The following TAC4 variants were observed in gnomAD, a reference collection of about 807,000 sequenced individuals.
TAC4 encodes tachykinin-4.
Under a neutral mutation model 17.7 loss-of-function variants are expected in TAC4, and 17 were observed. That is an observed-to-expected ratio of 0.96 (90% CI 0.66 to 1.44). The LOEUF (loss-of-function observed/expected upper bound fraction) is 1.44, where lower values mean the gene tolerates loss of function less well. Among genes scored for constraint, TAC4 ranks in the 40% most tolerant of loss-of-function variants. The pLI is 0.00. For missense variants in TAC4, 118 were observed against 125.6 expected, an observed-to-expected ratio of 0.94 and a Z score of 0.29; for synonymous variants, 62 against 52.4, an observed-to-expected ratio of 1.18 and a Z score of -0.79.
rs1307048508 is a variant in TAC4 at position 49,838,332 on chromosome 17, G to A, written c.*310C>T. 2.2e-6 allele frequency: 1 copy of A among 456,084 alleles called. No individual in the cohort carries two copies. Among genetic ancestry groups the A allele is most frequent in the African/African-American group, 2.1e-5 (1 of 48,450 alleles). The allele number at this position is 456,084 out of a possible 1,614,324, so 28.3% of individuals were successfully genotyped here. A position where few individuals can be genotyped will look rare whatever the true frequency, so the allele number is the denominator to read the frequency against. On this transcript the variant is annotated 3_prime_UTR_variant, in exon 5 of 5. Coordinates refer to ENST00000436235, the MANE Select transcript of TAC4 (RefSeq NM_001077506.2). ...GTCACTCATTTATTGAGTGCCTACTGTGTGCTAGGCACAGGATACAGAGTG... is the reference window on the plus strand; with the variant it reads ...GTCACTCATTTATTGAGTGCCTACTATGTGCTAGGCACAGGATACAGAGTG...
At chr17:49,842,156 A>G (rs1005580818) in intron 2 of TAC4, among the ~76,000 whole-genome samples, 4 of 151,386 alleles carry the variant, frequency 2.6e-5, no homozygotes, top group Admixed American at 2.6e-4. Context: ...TTCCCACCTC[A>G]GCCTCATAGT....
At chr17:49,839,995 C>T in intron 3 of TAC4, 86 bp from the exon 4 acceptor site, 2 of 1,366,148 alleles carry the variant, frequency 1.5e-6, no homozygotes, top group Non-Finnish European at 2.1e-6. Context: ...AGGACAGGGC[C>T]AGGGCGAGGG....
At chr17:49,845,926 C>A in intron 1 of TAC4, 1 of 216,774 alleles carries the variant, frequency 4.6e-6, no homozygotes, top group Non-Finnish European at 9.3e-6. Flanking sequence ...CTGGAGTCAC[C>A]CAGCCTGGCC....
At position 49,839,891 on chromosome 17, in the gene TAC4, G is replaced by A. The variant is rs1224260126; in HGVS notation, c.251C>T (p.Thr84Met). The A allele has an allele frequency of 2.4e-5, 38 of 1,612,080 alleles. No homozygotes were observed. The highest frequency in any genetic ancestry group is 3.0e-5 in the Non-Finnish European group (35 of 1,179,146). The change falls in exon 4 of 5, where the codon ACG becomes ATG. Residue 84 changes from threonine to methionine, a missense_variant. By Grantham distance (81) the Thr-to-Met change is moderately conservative (BLOSUM62 -1). Coordinates refer to ENST00000436235, the MANE Select transcript of TAC4 (RefSeq NM_001077506.2). ...RRKKAYQLEHTFQGLLGKRSL... is the reference protein window; with the variant it reads ...RRKKAYQLEHMFQGLLGKRSL... ...TCTCTTGCCCAGGAGGCCCTGGAAC[G>A]TGTGTTCCAGCTGATATGCTGGTGG...
chr17:49,841,603 A>G lies in TAC4; in HGVS notation c.200-19T>C, dbSNP rs768961683. The G allele has an allele frequency of 3.2e-6, 5 of 1,567,136 alleles. No individual in the cohort carries two copies. In the African/African-American group the frequency reaches 5.6e-5, roughly 17 times the overall value. Reference sequence around the variant, plus strand: ...GGTCTTCCTGGGGGAAGGAGAAGGAATGAGGACTACGGACTGCACTGCTTC... The same window carrying G: ...GGTCTTCCTGGGGGAAGGAGAAGGAGTGAGGACTACGGACTGCACTGCTTC... On this transcript the variant is annotated intron_variant, in intron 2 of 4. Coordinates refer to ENST00000436235, the MANE Select transcript of TAC4 (RefSeq NM_001077506.2).
Position 49,841,550 on chromosome 17 carries a change from AC to A in TAC4, c.232+1del, listed in dbSNP as rs745466390. The A allele has an allele frequency of 1.9e-6, 3 of 1,581,880 alleles. No homozygotes were observed. The highest frequency in any genetic ancestry group is 4.9e-5 in the East Asian group (2 of 41,156). Reference sequence around the variant, plus strand: ...TTGAAGGCAGGTTTGGGCAATACTTACCTTTTTTTCTCCTTGGCTGGATCAG... The same window carrying A: ...TTGAAGGCAGGTTTGGGCAATACTTACTTTTTTTCTCCTTGGCTGGATCAG... On this transcript the variant is annotated splice_donor_variant, in intron 3 of 4. Transcript: ENST00000436235. LOFTEE classifies it high-confidence loss of function.
chr17:49,838,420 A>C lies in TAC4; in HGVS notation c.*222T>G. On this transcript the variant is annotated 3_prime_UTR_variant, in exon 5 of 5. Coordinates refer to ENST00000436235, the MANE Select transcript of TAC4 (RefSeq NM_001077506.2). The stretch of plus-strand genomic sequence containing the variant: ...TCTGAGTGTGAGGGAGGGCAGAGTC[A>C]GTGCAGCTTGCTACGGCGAAGCTGT... The C allele has an allele frequency of 1.6e-6, 1 of 622,134 alleles. No homozygotes were observed. 38.5% of individuals were successfully genotyped at this position (622,134 alleles called of 1,614,324 possible). A position where few individuals can be genotyped will look rare whatever the true frequency, so the allele number is the denominator to read the frequency against.
intron 4 of TAC4, among the ~76,000 whole-genome samples, chr17:49,839,414 T>G (rs1187164872): frequency 1.3e-5 from 2 of 152,166 alleles, no homozygotes; most frequent in Non-Finnish European, 2.9e-5. Context: ...CCTCCCAGAG[T>G]GATCTGCACT....
intron 1 of TAC4, among the ~76,000 whole-genome samples, chr17:49,845,520 G>A (rs2074531229): frequency 6.6e-6 from 1 of 152,190 alleles, no homozygotes; most frequent in Non-Finnish European, 1.5e-5. Flanking sequence ...TAGGAGCCCA[G>A]CACACATGGG....
At chr17:49,847,114 C>G in intron 1 of TAC4, 1 of 1,289,892 alleles carries the variant, frequency 7.8e-7, no homozygotes, top group Non-Finnish European at 1.0e-6. Context: ...AGGACCTCAT[C>G]GTGGCCCAGG....
Position 49,840,782 on chromosome 17 carries a change from C to T in TAC4, c.232+770G>A, listed in dbSNP as rs541618973. ...CTTCCCAAAATGCTGGGATTATAGGCGTGAGCCACCACACCCACCTGGCCA... is the reference window on the plus strand; with the variant it reads ...CTTCCCAAAATGCTGGGATTATAGGTGTGAGCCACCACACCCACCTGGCCA... On this transcript the variant is annotated intron_variant, in intron 3 of 4. Coordinates refer to ENST00000436235, the MANE Select transcript of TAC4 (RefSeq NM_001077506.2). Among the ~76,000 whole-genome samples the T allele has an allele frequency of 9.9e-5, 15 of 151,658 alleles. No homozygotes were observed. In the East Asian group the frequency reaches 2.7e-3, roughly 28 times the overall value.
rs754007477 is a variant in TAC4 at position 49,847,841 on chromosome 17, C to G, written c.105+72G>C. ...CAGCAGCCATGCAGGGGATCTTCTG[C>G]CTCTGCACTGCCGATTATCCCCTGC... is the stretch of plus-strand genomic sequence containing the variant. On this transcript the variant is annotated intron_variant, in intron 1 of 4. Coordinates refer to ENST00000436235, the MANE Select transcript of TAC4 (RefSeq NM_001077506.2). The G allele has an allele frequency of 6.8e-6, 11 of 1,610,196 alleles. No homozygotes were observed. In the Admixed American group the frequency reaches 1.8e-4, roughly 27 times the overall value.
At chr17:49,846,374 C>G (rs566370730) in intron 1 of TAC4, 70 of 503,580 alleles carry the variant, frequency 1.4e-4, no homozygotes, top group South Asian at 1.2e-3. Context: ...CTTCCTGGGT[C>G]CCAGTGATCC....
At position 49,844,125 on chromosome 17, in the gene TAC4, C is replaced by T. The variant is rs748427359; in HGVS notation, c.138G>A (p.Leu46=). ...EGAGPSIQLQ[L]QEVKTGKASQ... ...TTGCCTTGCCCGTCTTCACCTCCTG[C>T]AGCTGGAGCTGAATGCTGGGGCCAG... Residue 46 remains leucine (L), a synonymous_variant, in exon 2 of 5, where the codon CTG becomes CTA. Coordinates refer to ENST00000436235, the MANE Select transcript of TAC4 (RefSeq NM_001077506.2). The T allele has an allele frequency of 1.9e-5, 30 of 1,613,870 alleles. 1 individual carries two copies. In the South Asian group the frequency reaches 2.3e-4, roughly 12 times the overall value.
At position 49,844,159 on chromosome 17, in the gene TAC4, T is replaced by G; in HGVS notation, c.106-2A>C. 6.2e-7 allele frequency: 1 copy of G among 1,613,548 alleles called. No homozygotes were observed. Among genetic ancestry groups the G allele is most frequent in the Non-Finnish European group, 8.5e-7 (1 of 1,179,560 alleles). On this transcript the variant is annotated splice_acceptor_variant, in intron 1 of 4. Coordinates refer to ENST00000436235, the MANE Select transcript of TAC4 (RefSeq NM_001077506.2). LOFTEE classifies it high-confidence loss of function. Reference sequence around the variant, plus strand: ...CTGAATGCTGGGGCCAGCGCCTTCCTGAAGAAGCAGAGAGTTAGTGTTAGA... The same window carrying G: ...CTGAATGCTGGGGCCAGCGCCTTCCGGAAGAAGCAGAGAGTTAGTGTTAGA...
chr17:49,843,173 TAGAC>T (rs763926008), intron 2 of TAC4, among the ~76,000 whole-genome samples: 1 of 152,188 alleles, frequency 6.6e-6, no homozygotes, highest in South Asian at 2.1e-4. Flanking sequence ...GTCCTCCAAA[TAGAC>T]AGTGTAAAAG....
chr17:49,841,371 T>G (rs2074496939), intron 3 of TAC4, among the ~76,000 whole-genome samples, 181 bp downstream of exon 3: 1 of 151,562 alleles, frequency 6.6e-6, no homozygotes, highest in African/African-American at 2.4e-5. Context: ...CCACCCCTCT[T>G]AAGGAAACAA....
At chr17:49,847,364 C>A in intron 1 of TAC4, 2 of 909,986 alleles carry the variant, frequency 2.2e-6, no homozygotes, top group South Asian at 1.6e-5. Context: ...GATGCTGGGT[C>A]ATTTCTACAT....
chr17:49,842,479 G>A (rs890628323), intron 2 of TAC4, among the ~76,000 whole-genome samples: 3 of 151,708 alleles, frequency 2.0e-5, no homozygotes, highest in African/African-American at 7.3e-5. Flanking sequence ...GTAGTGAGCT[G>A]AGATTGCGCC....
Sources: allele counts gnomAD v4.1 joint callset (sites outside exome capture counted in the v4.1 genomes callset), GRCh38; gene constraint gnomAD v4.1.1; transcripts MANE v1.5; gene names NCBI Gene and HGNC (gene_info 2026-07-23, HGNC 2026-07-21).